SUMF1: variants seen among roughly 807,000 people sequenced by gnomAD.
SUMF1 encodes the protein sulfatase modifying factor 1.
A neutral mutation model predicts 47.6 loss-of-function variants in SUMF1; 48 were observed. The ratio of observed to expected loss-of-function variants is 1.01; its 90% CI spans 0.80 to 1.28. The LOEUF (loss-of-function observed/expected upper bound fraction) is 1.28. Ranked by LOEUF, SUMF1 falls within the 50% of genes most tolerant of loss-of-function variation. SUMF1 has a pLI of 0.00. For missense variants in SUMF1, 571 were observed against 485.4 expected, an observed-to-expected ratio of 1.18 and a Z score of -1.66; for synonymous variants, 230 against 192.1, an observed-to-expected ratio of 1.20 and a Z score of -1.63.
chr3:4,412,681 C>A (rs1701582187), intron 6 of SUMF1, among the ~76,000 whole-genome samples: 1 of 152,116 alleles, frequency 6.6e-6, no homozygotes, highest in Non-Finnish European at 1.5e-5. Context: ...GTCAAGAGTT[C>A]AAGACTAGCC....
At chr3:4,264,246 G>A (rs1041044214) in intron 8 of SUMF1, among the ~76,000 whole-genome samples, 4 of 152,174 alleles carry the variant, frequency 2.6e-5, no homozygotes, top group Non-Finnish European at 5.9e-5. Flanking sequence ...TCTTTCTAGA[G>A]ACACTTCCCA....
intron 8 of SUMF1, among the ~76,000 whole-genome samples, chr3:4,133,003 C>T (rs2125088578): frequency 6.6e-6 from 1 of 152,198 alleles, no homozygotes; most frequent in African/African-American, 2.4e-5. Flanking sequence ...CCACAACCTG[C>T]TTAGGTGCTT....
At chr3:4,068,723 T>C (rs988711260) in exon 9 of SUMF1, 10 of 438,696 alleles carry the variant, frequency 2.3e-5, no homozygotes, top group Admixed American at 1.6e-4. Flanking sequence ...ATCTTGAAAA[T>C]AGGGATCATA....
At chr3:4,242,913 T>A (rs1559604106) in intron 8 of SUMF1, among the ~76,000 whole-genome samples, 1 of 152,204 alleles carries the variant, frequency 6.6e-6, no homozygotes, top group Non-Finnish European at 1.5e-5. Context: ...CTGGACTTTC[T>A]TTGGTTGGTA....
chr3:4,298,026 T>C (rs943754217), intron 8 of SUMF1, among the ~76,000 whole-genome samples: 31 of 152,278 alleles, frequency 2.0e-4, no homozygotes, highest in African/African-American at 6.5e-4. Context: ...AGTTTTATTA[T>C]ATTGTATTGT....
chr3:4,389,075 A>G (rs1427199720), intron 7 of SUMF1, among the ~76,000 whole-genome samples: 13 of 152,278 alleles, frequency 8.5e-5, no homozygotes, highest in Non-Finnish European at 2.9e-5. Flanking sequence ...TCCGATATTC[A>G]AAAGTTCCTT....
intron 8 of SUMF1, among the ~76,000 whole-genome samples, chr3:4,090,642 A>G (rs1402429315): frequency 6.6e-6 from 1 of 152,014 alleles, no homozygotes; most frequent in African/African-American, 2.4e-5. Context: ...CAAACCCCCC[A>G]TATTTGTTAT....
intron 8 of SUMF1, among the ~76,000 whole-genome samples, chr3:4,202,378 T>C (rs1695558905): frequency 6.6e-6 from 1 of 152,056 alleles, no homozygotes; most frequent in Admixed American, 6.6e-5. Context: ...CCTCAGTGTA[T>C]GTTCTTGGCA....
intron 8 of SUMF1, among the ~76,000 whole-genome samples, chr3:4,335,959 T>TAAAAAAAA (rs1559230744): frequency 4.4e-4 from 3 of 6,800 alleles, no homozygotes; most frequent in Non-Finnish European, 4.4e-4. Context: ...AGATTCCAAC[T>TAAAAAAAA]CAAAAAAAAA....
intron 8 of SUMF1, among the ~76,000 whole-genome samples, chr3:4,080,585 T>C (rs2648481): frequency 0.23 from 34,352 of 152,144 alleles, 4,725 homozygotes; most frequent in Middle Eastern, 0.31. Context: ...TAGCTGCTAA[T>C]TAAGCATCCA....
intron 7 of SUMF1, among the ~76,000 whole-genome samples, chr3:4,377,105 TTA>T (rs1700352688): frequency 6.6e-6 from 1 of 152,182 alleles, no homozygotes; most frequent in African/African-American, 2.4e-5. Context: ...CAAGCCAGAA[TTA>T]TATGTTTTTA....
chr3:4,420,038 A>T (rs1373858950), intron 4 of SUMF1, 26 bp downstream of exon 4: 2 of 1,607,494 alleles, frequency 1.2e-6, no homozygotes, highest in South Asian at 2.2e-5. Flanking sequence ...GAACTTGTCA[A>T]CTGGGGAAAG....
intron 1 of SUMF1, among the ~76,000 whole-genome samples, chr3:4,455,456 C>T (rs1228578163): frequency 2.0e-5 from 3 of 152,230 alleles, no homozygotes; most frequent in Non-Finnish European, 4.4e-5. Context: ...TGGCTCACAC[C>T]TGTAATCCTA....
In SUMF1 at chr3:4,362,300, C is replaced by T. The variant is rs757198951; in HGVS notation, c.1015-46G>A. 26 of 1,535,470 alleles carry T rather than the reference C, an allele frequency of 1.7e-5. No individual in the cohort carries two copies. The South Asian group carries it at 2.9e-4, about 17-fold the overall frequency. ...AGGTAAGTGCTACTGGGACTCTCAGCTGAAGGCTCTAACCCATCAGATGCA... is the reference window on the plus strand; with the variant it reads ...AGGTAAGTGCTACTGGGACTCTCAGTTGAAGGCTCTAACCCATCAGATGCA... On this transcript the variant is annotated intron_variant, in intron 8 of 8. Transcript: ENST00000272902.
chr3:4,077,781 T>G (rs1692472136), intron 8 of SUMF1, among the ~76,000 whole-genome samples: 1 of 152,050 alleles, frequency 6.6e-6, no homozygotes, highest in Non-Finnish European at 1.5e-5. Flanking sequence ...GTTGTGCACA[T>G]GCACCCCAGA....
intron 8 of SUMF1, among the ~76,000 whole-genome samples, chr3:4,237,509 T>G (rs1376672749): frequency 6.6e-6 from 1 of 152,152 alleles, no homozygotes; most frequent in East Asian, 1.9e-4. Context: ...TTTAAAAGTT[T>G]TTAAATATTT....
chr3:4,098,957 A>C (rs1386718991), intron 8 of SUMF1, among the ~76,000 whole-genome samples: 3 of 152,102 alleles, frequency 2.0e-5, no homozygotes, highest in Non-Finnish European at 4.4e-5. Flanking sequence ...TTCACATCTG[A>C]TGTGCTAGGG....
intron 8 of SUMF1, among the ~76,000 whole-genome samples, chr3:4,355,997 C>A (rs1699610016): frequency 1.3e-5 from 2 of 152,182 alleles, no homozygotes; most frequent in South Asian, 4.1e-4. Context: ...CATTTTACAG[C>A]CTACCTGAAT....
At chr3:4,174,839 G>A (rs2600131) in intron 8 of SUMF1, among the ~76,000 whole-genome samples, 100,011 of 152,008 alleles carry the variant, frequency 0.66, 33,056 homozygotes, top group South Asian at 0.73. Flanking sequence ...CAAATACTGT[G>A]CTATTCCCAA....
Sources: gnomAD v4.1 joint callset for allele counts (sites outside exome capture counted in the v4.1 genomes callset) on GRCh38, gnomAD v4.1.1 for gene constraint, MANE v1.5 for transcripts, NCBI Gene and HGNC (gene_info 2026-07-23, HGNC 2026-07-21) for gene names.